SIPA1L3: variants seen among roughly 807,000 people sequenced by gnomAD.
SIPA1L3 encodes the protein signal-induced proliferation-associated 1-like protein 3.
In SIPA1L3, 59 loss-of-function variants were observed where a neutral mutation model predicts 150.1. The ratio of observed to expected loss-of-function variants is 0.39; its 90% CI spans 0.32 to 0.49. The LOEUF is 0.49. Ranked by LOEUF, SIPA1L3 falls within the 20% of genes least tolerant of loss-of-function variation. The probability of loss-of-function intolerance (pLI) is 0.86; values close to 1 mark genes in which losing one functional copy is unlikely to be tolerated. For missense variants in SIPA1L3, 2,211 were observed against 2,489.5 expected, an observed-to-expected ratio of 0.89 and a Z score of 2.38; for synonymous variants, 1,070 against 1,077.6, an observed-to-expected ratio of 0.99 and a Z score of 0.14.
chr19:38,061,295 C>T (rs557108062), intron 2 of SIPA1L3, among the ~76,000 whole-genome samples: 6 of 151,898 alleles, frequency 4.0e-5, no homozygotes, highest in African/African-American at 1.4e-4. Context: ...AATTCCTGGC[C>T]TCAAGTCATC....
chr19:37,937,754 A>AAAAAAAAAAAAAAAAAAAAAC, intron 1 of SIPA1L3, among the ~76,000 whole-genome samples: 1 of 130,478 alleles, frequency 7.7e-6, no homozygotes, highest in African/African-American at 2.8e-5. Flanking sequence ...AAAAAAAAAA[A>AAAAAAAAAAAAAAAAAAAAAC]AAAAAAAAAA....
intron 15 of SIPA1L3, among the ~76,000 whole-genome samples, chr19:38,165,220 T>C (rs1972183572): frequency 6.6e-6 from 1 of 152,182 alleles, no homozygotes; most frequent in African/African-American, 2.4e-5. Flanking sequence ...TTATGCTTTC[T>C]AAAGGGTCAC....
chr19:38,005,819 G>C (rs1475256772), intron 1 of SIPA1L3, among the ~76,000 whole-genome samples: 2 of 152,246 alleles, frequency 1.3e-5, no homozygotes, highest in Non-Finnish European at 2.9e-5. Flanking sequence ...AGGCTGAGGT[G>C]GGCAGACTGC....
At position 38,082,459 on chromosome 19, in the gene SIPA1L3, C is replaced by T. The variant is rs774278546; in HGVS notation, c.894C>T (p.Asp298=). 1.3e-6 allele frequency: 2 copies of T among 1,589,194 alleles called. No individual in the cohort carries two copies. The highest frequency in any genetic ancestry group is 1.7e-6 in the Non-Finnish European group (2 of 1,168,362). ...ARGLGGGDTV[D]SSIFRKLRSS... ...GCCTCGGCGGCGGGGACACGGTGGA[C>T]TCGTCCATCTTTCGGAAGCTAAGGA... is the stretch of plus-strand genomic sequence containing the variant. The change falls in exon 3 of 22, where the codon GAC becomes GAT. Residue 298 remains aspartate (D), a synonymous_variant. Transcript: ENST00000222345.
At chr19:38,180,537 C>CTTTTTTTTTTTTTT (rs60445902) in intron 15 of SIPA1L3, among the ~76,000 whole-genome samples, 2 of 124,666 alleles carry the variant, frequency 1.6e-5, no homozygotes, top group East Asian at 2.3e-4. Flanking sequence ...TTTTTCTTTT[C>CTTTTTTTTTTTTTT]TTTTTTTTTT....
chr19:38,139,662 C>T (rs929414885), intron 10 of SIPA1L3, among the ~76,000 whole-genome samples: 1 of 152,180 alleles, frequency 6.6e-6, no homozygotes, highest in Non-Finnish European at 1.5e-5. Context: ...CCCTGGGTGC[C>T]AGAGCGCATC....
At chr19:37,946,310 G>A (rs938387350) in intron 1 of SIPA1L3, among the ~76,000 whole-genome samples, 3 of 151,956 alleles carry the variant, frequency 2.0e-5, no homozygotes, top group African/African-American at 4.8e-5. Context: ...TTTTGTGTGT[G>A]TGTGTGGAGA....
chr19:38,002,371 TTTCC>T (rs745528960), intron 1 of SIPA1L3, among the ~76,000 whole-genome samples: 1 of 152,176 alleles, frequency 6.6e-6, no homozygotes, highest in Non-Finnish European at 1.5e-5. Context: ...TATATCAGAA[TTTCC>T]TTCCTTTATG....
chr19:38,058,537 G>T (rs942063851), intron 2 of SIPA1L3, among the ~76,000 whole-genome samples: 1 of 152,078 alleles, frequency 6.6e-6, no homozygotes, highest in Non-Finnish European at 1.5e-5. Context: ...CTCTGGGCTC[G>T]GAGGGAGTGC....
intron 4 of SIPA1L3, among the ~76,000 whole-genome samples, chr19:38,094,835 C>T (rs1004056301): frequency 8.6e-5 from 13 of 152,004 alleles, no homozygotes; most frequent in African/African-American, 3.1e-4. Context: ...TGGAGGCCTA[C>T]GCAGGTGGAT....
chr19:38,069,689 G>C (rs2145796778), intron 2 of SIPA1L3, among the ~76,000 whole-genome samples: 2 of 152,090 alleles, frequency 1.3e-5, no homozygotes, highest in East Asian at 3.9e-4. Flanking sequence ...TTGTGAGACA[G>C]AGTCTTGCTC....
chr19:37,976,681 T>C (rs1363178463), intron 1 of SIPA1L3, among the ~76,000 whole-genome samples: 1 of 152,150 alleles, frequency 6.6e-6, no homozygotes, highest in Non-Finnish European at 1.5e-5. Flanking sequence ...GTGCATCAGT[T>C]TGTCGGCTAT....
At position 38,082,198 on chromosome 19, in the gene SIPA1L3, G is replaced by C; in HGVS notation, c.633G>C (p.Gln211His). The C allele has an allele frequency of 3.1e-6, 5 of 1,603,660 alleles. No individual in the cohort carries two copies. The highest frequency in any genetic ancestry group is 4.2e-6 in the Non-Finnish European group (5 of 1,179,780). The change falls in exon 3 of 22, where the codon CAG (glutamine) becomes CAC (histidine). Residue 211 changes from glutamine (Q) to histidine (H), a missense_variant. This residue lies in a region of SIPA1L3 where 587 missense variants were observed against 534.5 expected (regional missense o/e 1.10). Transcript: ENST00000222345. The stretch of plus-strand genomic sequence containing the variant: ...GGAGCACCTCGTCCATCGACGTGCA[G>C]GGCATGCCCGAGCAGAGCTTCTTCG... ...EYGSTSSIDV[Q>H]GMPEQSFFDI...
At chr19:38,146,876 G>A (rs760213142) in intron 12 of SIPA1L3, among the ~76,000 whole-genome samples, 1 of 152,030 alleles carries the variant, frequency 6.6e-6, no homozygotes, top group African/African-American at 2.4e-5. Context: ...TGAAGTGCCT[G>A]TGCGTGTCTT....
intron 3 of SIPA1L3, among the ~76,000 whole-genome samples, chr19:38,087,277 C>T (rs1970155654): frequency 6.6e-6 from 1 of 152,238 alleles, no homozygotes; most frequent in Non-Finnish European, 1.5e-5. Context: ...ACCCCTGTAG[C>T]TGCTTCAGGA....
intron 2 of SIPA1L3, among the ~76,000 whole-genome samples, chr19:38,036,191 C>T (rs1180186784): frequency 6.6e-6 from 1 of 152,220 alleles, no homozygotes. Context: ...TCAGCCAAGC[C>T]CCAAATTAGA....
chr19:37,976,602 A>G (rs1260401707), intron 1 of SIPA1L3, among the ~76,000 whole-genome samples: 2 of 151,966 alleles, frequency 1.3e-5, no homozygotes, highest in African/African-American at 4.8e-5. Flanking sequence ...AAGAGCTTAG[A>G]CACTGCAGCC....
At chr19:37,910,627 C>T (rs1270155420) in intron 1 of SIPA1L3, among the ~76,000 whole-genome samples, 4 of 151,966 alleles carry the variant, frequency 2.6e-5, no homozygotes, top group African/African-American at 9.7e-5. Context: ...TGTTTTTAGA[C>T]AGAGTCTTGC....
chr19:38,026,520 A>G (rs753522715), intron 1 of SIPA1L3, among the ~76,000 whole-genome samples: 2 of 152,154 alleles, frequency 1.3e-5, no homozygotes, highest in African/African-American at 2.4e-5. Flanking sequence ...AGTGGGAAAG[A>G]TGAGGTTCAA....
Sources: allele counts gnomAD v4.1 joint callset (sites outside exome capture counted in the v4.1 genomes callset), GRCh38; gene constraint gnomAD v4.1.1; regional missense constraint gnomAD v4.1.1; transcripts MANE v1.5; gene names NCBI Gene and HGNC (gene_info 2026-07-23, HGNC 2026-07-21).